Variants in TOR1AIP2 observed in about 807,000 individuals in gnomAD.
TOR1AIP2 encodes the protein torsin-1A-interacting protein 2.
Under a neutral mutation model 32.6 loss-of-function variants are expected in TOR1AIP2, and 20 were observed. The ratio of observed to expected loss-of-function variants is 0.61; its 90% CI spans 0.43 to 0.89. The LOEUF (loss-of-function observed/expected upper bound fraction) is 0.89, where lower values mean the gene tolerates loss of function less well. Among genes scored for constraint, TOR1AIP2 ranks in the 40% least tolerant of loss-of-function variants. The probability of loss-of-function intolerance (pLI) is 0.00; values close to 1 mark genes in which losing one functional copy is unlikely to be tolerated. For synonymous variants in TOR1AIP2, 214 were observed against 210.8 expected (o/e 1.02, Z -0.13); for missense variants, 456 against 553.8 (o/e 0.82, Z 1.77).
intron 3 of TOR1AIP2, chr1:179,861,056 T>C: frequency 1.0e-6 from 1 of 985,462 alleles, no homozygotes; most frequent in Non-Finnish European, 1.2e-6. Flanking sequence ...CTTGCATGTT[T>C]CCATTAACCT....
Position 179,846,304 on chromosome 1 carries a change from G to A in TOR1AIP2, c.1180C>T (p.Leu394=), listed in dbSNP as rs780371398. 6 of 1,614,174 alleles carry A rather than the reference G, an allele frequency of 3.7e-6. No homozygotes were observed. Among genetic ancestry groups the A allele is most frequent in the South Asian group, 2.2e-5 (2 of 91,084 alleles). ...HENAAFKDVA[L]VLTVLLEEET... is the part of the protein sequence containing the mutation. The stretch of plus-strand genomic sequence containing the variant: ...TCCTCTAGCAGAACAGTCAGGACCA[G>A]GGCCACATCTTTAAAGGCAGCATTC... Residue 394 remains leucine, a synonymous_variant, in exon 7 of 7, where the codon CTG becomes TTG. Coordinates refer to ENST00000609928, the MANE Select transcript of TOR1AIP2 (RefSeq NM_001199260.2).
At chr1:179,871,427 G>A (rs1697006699) in intron 2 of TOR1AIP2, among the ~76,000 whole-genome samples, 1 of 152,102 alleles carries the variant, frequency 6.6e-6, no homozygotes, top group African/African-American at 2.4e-5. Flanking sequence ...ACTAACCATG[G>A]CAACTTTTTA....
intron 2 of TOR1AIP2, chr1:179,874,222 TG>T (rs1349524422): frequency 6.6e-6 from 1 of 152,228 alleles, no homozygotes; most frequent in Non-Finnish European, 1.5e-5. Flanking sequence ...CAGGAATTTA[TG>T]TTTTAACAGA....
At chr1:179,861,667 C>CT (rs1388939545) in intron 3 of TOR1AIP2, 1 of 985,268 alleles carries the variant, frequency 1.0e-6, no homozygotes, top group Non-Finnish European at 1.2e-6. Context: ...GATCTTCAGT[C>CT]TGACATGAAA....
chr1:179,876,770 C>T (rs1244768451), intron 2 of TOR1AIP2, among the ~76,000 whole-genome samples: 1 of 152,116 alleles, frequency 6.6e-6, no homozygotes, highest in Non-Finnish European at 1.5e-5. Flanking sequence ...TATGTTTAAT[C>T]TATGTAACTC....
Position 179,845,800 on chromosome 1 carries a change from T to A in TOR1AIP2, c.*271A>T, listed in dbSNP as rs114420543. The A allele has an allele frequency of 4.5e-5, 15 of 336,752 alleles. 1 individual carries two copies. Among genetic ancestry groups the A allele is most frequent in the Admixed American group, 1.3e-4 (3 of 23,002 alleles). The allele number at this position is 336,752 out of a possible 1,614,324, so 20.9% of individuals were successfully genotyped here. On this transcript the variant is annotated 3_prime_UTR_variant, in exon 7 of 7. Coordinates refer to ENST00000609928, the MANE Select transcript of TOR1AIP2 (RefSeq NM_001199260.2). The stretch of plus-strand genomic sequence containing the variant: ...TGCAATGTTGCTATATTTTAGAATT[T>A]AAAAAAAATTCTCATATATATCATC...
chr1:179,875,395 T>G (rs571466940), intron 2 of TOR1AIP2: 2 of 152,256 alleles, frequency 1.3e-5, no homozygotes, highest in South Asian at 4.1e-4. Flanking sequence ...TGAGATAATG[T>G]GCAATACTGG....
chr1:179,871,729 G>A (rs1453450447), intron 2 of TOR1AIP2, among the ~76,000 whole-genome samples: 1 of 152,082 alleles, frequency 6.6e-6, no homozygotes, highest in Non-Finnish European at 1.5e-5. Flanking sequence ...CTTCTAGGGG[G>A]TACTACAGTC....
intron 2 of TOR1AIP2, chr1:179,869,333 T>C (rs1396976542): frequency 6.6e-6 from 1 of 152,126 alleles, no homozygotes; most frequent in Non-Finnish European, 1.5e-5. Context: ...AGGATAATTA[T>C]TACCTCTGAT....
At position 179,840,597 on chromosome 1, in the gene TOR1AIP2, G is replaced by C. The variant is rs1329127853; in HGVS notation, c.*5474C>G. On this transcript the variant is annotated 3_prime_UTR_variant, in exon 7 of 7. Coordinates refer to ENST00000609928, the MANE Select transcript of TOR1AIP2 (RefSeq NM_001199260.2). ...TTGCAGATTAGGGGATACTGATTAT[G>C]TTCTCAGGCCATTTGGATTGGCCTA... 1 of 152,136 alleles carries C rather than the reference G, an allele frequency of 6.6e-6. No individual in the cohort carries two copies. Among genetic ancestry groups the C allele is most frequent in the Non-Finnish European group, 1.5e-5 (1 of 68,028 alleles). 9.4% of individuals were successfully genotyped at this position (152,136 alleles called of 1,614,324 possible). A position where few individuals can be genotyped will look rare whatever the true frequency, so the allele number is the denominator to read the frequency against.
At chr1:179,861,321 C>A in intron 3 of TOR1AIP2, 1 of 985,262 alleles carries the variant, frequency 1.0e-6, no homozygotes, top group African/African-American at 1.7e-5. Flanking sequence ...GAATAACCTG[C>A]AATATTTTAA....
intron 2 of TOR1AIP2, chr1:179,869,303 A>G (rs1316784657): frequency 6.6e-6 from 1 of 151,936 alleles, no homozygotes; most frequent in Non-Finnish European, 1.5e-5. Flanking sequence ...AAAAAAAAAG[A>G]AGTATTAAGT....
chr1:179,845,965 C>T lies in TOR1AIP2; in HGVS notation c.*106G>A. ...AATAAGCTCATCTTTGTTTTTCAGGCTATTTCCTCAAGCTATTTTATCAAC... is the reference window on the plus strand; with the variant it reads ...AATAAGCTCATCTTTGTTTTTCAGGTTATTTCCTCAAGCTATTTTATCAAC... On this transcript the variant is annotated 3_prime_UTR_variant, in exon 7 of 7. Transcript: ENST00000609928. 1.0e-6 allele frequency: 1 copy of T among 996,054 alleles called. No homozygotes were observed. Among genetic ancestry groups the T allele is most frequent in the Non-Finnish European group, 1.5e-6 (1 of 683,702 alleles). The allele number at this position is 996,054 out of a possible 1,614,324, so 61.7% of individuals were successfully genotyped here.
chr1:179,855,879 T>C (rs1357770817), intron 3 of TOR1AIP2, among the ~76,000 whole-genome samples: 1 of 152,184 alleles, frequency 6.6e-6, no homozygotes, highest in African/African-American at 2.4e-5. Context: ...TGTAAAATTA[T>C]AGCAGTGAAG....
At chr1:179,869,548 A>G (rs1279604995) in intron 2 of TOR1AIP2, among the ~76,000 whole-genome samples, 1 of 152,238 alleles carries the variant, frequency 6.6e-6, no homozygotes, top group Non-Finnish European at 1.5e-5. Flanking sequence ...TGTGGACAAG[A>G]CCAGTAGCAG....
chr1:179,854,124 A>G lies in TOR1AIP2; in HGVS notation c.-146-1313T>C, dbSNP rs543135273. Reference sequence around the variant, plus strand: ...CCAATAACAAAAATTTTCAAAAGGAATGATGCTACTCACAATAACCTTAAG... The same window carrying G: ...CCAATAACAAAAATTTTCAAAAGGAGTGATGCTACTCACAATAACCTTAAG... On this transcript the variant is annotated intron_variant, in intron 3 of 6. Transcript: ENST00000609928. Among the ~76,000 whole-genome samples the G allele has an allele frequency of 2.8e-4, 43 of 152,328 alleles. 2 individuals carry two copies. The South Asian group carries it at 8.7e-3, about 31-fold the overall frequency.
rs1329763413 is a variant in TOR1AIP2 at position 179,846,770 on chromosome 1, G to A, written c.714C>T (p.Tyr238=). The A allele has an allele frequency of 1.9e-6, 3 of 1,613,464 alleles. No individual in the cohort carries two copies. Among genetic ancestry groups the A allele is most frequent in the Non-Finnish European group, 2.5e-6 (3 of 1,179,774 alleles). The change falls in exon 7 of 7, where the codon TAC becomes TAT. Residue 238 remains tyrosine, a synonymous_variant. Coordinates refer to ENST00000609928, the MANE Select transcript of TOR1AIP2 (RefSeq NM_001199260.2). The part of the protein sequence containing the change: ...VAVVASSVNS[Y]YSSPAQQVPK... ...GCACTTGCTGGGCTGGAGAGGAATAGTAGCTATTCACAGAACTTGCCACAA... is the reference window on the plus strand; with the variant it reads ...GCACTTGCTGGGCTGGAGAGGAATAATAGCTATTCACAGAACTTGCCACAA...
intron 3 of TOR1AIP2, chr1:179,860,325 TA>T: frequency 1.3e-6 from 1 of 753,024 alleles, no homozygotes; most frequent in Non-Finnish European, 1.6e-6. Flanking sequence ...TCTACAAAAA[TA>T]AAAAAATTAG....
intron 3 of TOR1AIP2, among the ~76,000 whole-genome samples, chr1:179,856,448 C>T (rs76249016): frequency 6.6e-6 from 1 of 152,352 alleles, no homozygotes; most frequent in East Asian, 1.9e-4. Flanking sequence ...ATCCTACACC[C>T]CACTTCATTC....
Sources: allele counts gnomAD v4.1 joint callset (sites outside exome capture counted in the v4.1 genomes callset), GRCh38; gene constraint gnomAD v4.1.1; transcripts MANE v1.5; gene names NCBI Gene and HGNC (gene_info 2026-07-23, HGNC 2026-07-21).